Variants in RSU1 observed in about 807,000 individuals in gnomAD.
The protein encoded by RSU1 is rsu-1.
Under a neutral mutation model 31.1 loss-of-function variants are expected in RSU1, and 26 were observed. The ratio of observed to expected loss-of-function variants is 0.84; its 90% CI spans 0.61 to 1.16. The LOEUF (loss-of-function observed/expected upper bound fraction) is 1.16, where lower values mean the gene tolerates loss of function less well. RSU1 is among the 50% of genes most tolerant of loss of function. The pLI, the probability that RSU1 is intolerant of heterozygous loss-of-function variation, is 0.00. For missense variants in RSU1, 320 were observed against 339.1 expected (o/e 0.94, Z 0.44); for synonymous variants, 164 against 136.3 (o/e 1.20, Z -1.41).
At chr10:16,769,526 C>A (rs1456559810) in intron 3 of RSU1, among the ~76,000 whole-genome samples, 2 of 152,148 alleles carry the variant, frequency 1.3e-5, no homozygotes. Flanking sequence ...TCTCAAACCA[C>A]AGAGACGTCA....
At chr10:16,790,078 T>A (rs1014391937) in intron 2 of RSU1, among the ~76,000 whole-genome samples, 8 of 152,194 alleles carry the variant, frequency 5.3e-5, no homozygotes, top group African/African-American at 1.7e-4. Context: ...TTGCTGGCAC[T>A]GTCCCTGTGA....
At position 16,810,286 on chromosome 10, in the gene RSU1, C is replaced by T. The variant is rs116489696; in HGVS notation, c.109+6687G>A. Among the ~76,000 whole-genome samples, 478 of 152,042 alleles carry T rather than the reference C, an allele frequency of 3.1e-3. 1 individual carries two copies. Among genetic ancestry groups the T allele is most frequent in the African/African-American group, 1.0e-2 (414 of 41,488 alleles). Reference sequence around the variant, plus strand: ...AAAAAATTCAATGTAAACTCCCAAACGAACTCTGGTTACATAATGCCTATC... The same window carrying T: ...AAAAAATTCAATGTAAACTCCCAAATGAACTCTGGTTACATAATGCCTATC... On this transcript the variant is annotated intron_variant, in intron 2 of 8. Coordinates refer to ENST00000345264, the MANE Select transcript of RSU1 (RefSeq NM_012425.4).
rs1833540426 is a variant in RSU1, at chr10:16,593,175, T to C, written c.*219A>G. ...GAGCTTTGTTCCCTGCTTTTGGTAATGTTAAAGAAACAAATGGAAATGGTT... is the reference window on the plus strand; with the variant it reads ...GAGCTTTGTTCCCTGCTTTTGGTAACGTTAAAGAAACAAATGGAAATGGTT... On this transcript the variant is annotated 3_prime_UTR_variant, in exon 9 of 9. Transcript: ENST00000345264. The C allele has an allele frequency of 1.3e-6, 1 of 765,836 alleles. No individual in the cohort carries two copies. Among genetic ancestry groups the C allele is most frequent in the Admixed American group, 3.6e-5 (1 of 27,924 alleles). The allele number at this position is 765,836 out of a possible 1,614,324, so 47.4% of individuals were successfully genotyped here. A position where few individuals can be genotyped will look rare whatever the true frequency, so the allele number is the denominator to read the frequency against.
chr10:16,802,133 T>G (rs1490621933), intron 2 of RSU1, among the ~76,000 whole-genome samples: 1 of 149,522 alleles, frequency 6.7e-6, no homozygotes, highest in East Asian at 2.0e-4. Context: ...AATCTCTGAG[T>G]ACAAAAGCTG....
chr10:16,604,747 C>T (rs1833772518), intron 8 of RSU1, among the ~76,000 whole-genome samples: 2 of 152,158 alleles, frequency 1.3e-5, no homozygotes, highest in African/African-American at 4.8e-5. Context: ...GGCTGTGCTT[C>T]CCTGATGTTA....
intron 2 of RSU1, among the ~76,000 whole-genome samples, chr10:16,815,769 A>G (rs1219764052): frequency 6.6e-6 from 1 of 152,234 alleles, no homozygotes; most frequent in Non-Finnish European, 1.5e-5. Flanking sequence ...GGGATATGTT[A>G]GCCTGGTGCA....
chr10:16,680,646 T>G (rs999419995), intron 8 of RSU1, among the ~76,000 whole-genome samples: 22 of 152,066 alleles, frequency 1.4e-4, no homozygotes, highest in African/African-American at 5.1e-4. Flanking sequence ...GGCACACACT[T>G]TTAAACAACC....
rs184852886 is a variant in RSU1, at chr10:16,768,110, C to G, written c.161-3600G>C. 1.4e-3 allele frequency among the ~76,000 whole-genome samples: 208 copies of G among 152,332 alleles called. 1 individual carries two copies. The highest frequency in any genetic ancestry group is 4.4e-3 in the African/African-American group (182 of 41,578). On this transcript the variant is annotated intron_variant, in intron 3 of 8. Transcript: ENST00000345264. ...TTTGAAACGATCCTTTTTCATCAATCTGTCCAGCTTCTGATCTATGACCCC... is the reference window on the plus strand; with the variant it reads ...TTTGAAACGATCCTTTTTCATCAATGTGTCCAGCTTCTGATCTATGACCCC...
intron 2 of RSU1, among the ~76,000 whole-genome samples, chr10:16,812,025 A>T (rs1396910172): frequency 7.2e-5 from 11 of 152,228 alleles, no homozygotes; most frequent in Non-Finnish European, 1.0e-4. Flanking sequence ...ACAAGCACTA[A>T]CTGACAAGGG....
At chr10:16,692,523 C>G (rs1249194401) in intron 8 of RSU1, among the ~76,000 whole-genome samples, 1 of 152,032 alleles carries the variant, frequency 6.6e-6, no homozygotes, top group Non-Finnish European at 1.5e-5. Context: ...CTATCATATA[C>G]AGAATGACTT....
At chr10:16,637,875 T>C (rs532597261) in intron 8 of RSU1, among the ~76,000 whole-genome samples, 1 of 149,730 alleles carries the variant, frequency 6.7e-6, no homozygotes, top group South Asian at 2.1e-4. Flanking sequence ...ATAGGAAGAA[T>C]AAAGGAACAC....
At chr10:16,790,481 G>A (rs908683763) in intron 2 of RSU1, among the ~76,000 whole-genome samples, 3 of 152,200 alleles carry the variant, frequency 2.0e-5, no homozygotes, top group African/African-American at 7.2e-5. Flanking sequence ...AGAAAGAGAT[G>A]TTACTTATCG....
chr10:16,718,550 C>A (rs12769960), intron 7 of RSU1, among the ~76,000 whole-genome samples: 19,319 of 152,084 alleles, frequency 0.13, 1,547 homozygotes, highest in Middle Eastern at 0.19. Context: ...GAGCCAGGTC[C>A]CCTAGCCAAT....
At position 16,743,684 on chromosome 10, in the gene RSU1, T is replaced by A. The variant is rs1377744667; in HGVS notation, c.598+8855A>T. ...ATAGGATTTAGGCAAGAAAACCAAT[T>A]CTGTTAACAACATAAAGCTGCCTTG... On this transcript the variant is annotated intron_variant, in intron 7 of 8. Coordinates refer to ENST00000345264, the MANE Select transcript of RSU1 (RefSeq NM_012425.4). Among the ~76,000 whole-genome samples the A allele has an allele frequency of 2.0e-5, 3 of 152,162 alleles. No individual in the cohort carries two copies. The South Asian group carries it at 6.2e-4, about 31-fold the overall frequency.
At chr10:16,723,015 TACAC>T (rs1299856974) in intron 7 of RSU1, 3 of 150,586 alleles carry the variant, frequency 2.0e-5, no homozygotes, top group East Asian at 2.0e-4. Flanking sequence ...GACACAAACA[TACAC>T]ACATATATGT....
chr10:16,596,995 C>T (rs1222307759), intron 8 of RSU1, among the ~76,000 whole-genome samples: 1 of 152,204 alleles, frequency 6.6e-6, no homozygotes, highest in Non-Finnish European at 1.5e-5. Context: ...GGATTACAGG[C>T]GTGAGCCACG....
chr10:16,652,824 A>G (rs1289951765), intron 8 of RSU1, among the ~76,000 whole-genome samples: 1 of 151,892 alleles, frequency 6.6e-6, no homozygotes, highest in East Asian at 1.9e-4. Flanking sequence ...CAGGGACTAC[A>G]GGTGCACCAC....
At chr10:16,808,505 AAC>A (rs1247542468) in intron 2 of RSU1, among the ~76,000 whole-genome samples, 98 of 150,592 alleles carry the variant, frequency 6.5e-4, no homozygotes, top group East Asian at 4.4e-3. Flanking sequence ...AAAAAAAAAA[AAC>A]AAAGTGAACT....
At chr10:16,727,495 C>G (rs1305653813) in intron 7 of RSU1, among the ~76,000 whole-genome samples, 1 of 152,138 alleles carries the variant, frequency 6.6e-6, no homozygotes, top group Non-Finnish European at 1.5e-5. Context: ...GCAAGTATTA[C>G]TGATCACGCG....
Sources: gnomAD v4.1 joint callset for allele counts (sites outside exome capture counted in the v4.1 genomes callset) on GRCh38, gnomAD v4.1.1 for gene constraint, MANE v1.5 for transcripts, NCBI Gene and HGNC (gene_info 2026-07-23, HGNC 2026-07-21) for gene names.